Variants in PITPNC1 observed in about 807,000 individuals in gnomAD.
The protein encoded by PITPNC1 is cytoplasmic phosphatidylinositol transfer protein 1.
A neutral mutation model predicts 44.7 loss-of-function variants in PITPNC1; 18 were observed. The ratio of observed to expected loss-of-function variants is 0.40; its 90% CI spans 0.28 to 0.60. PITPNC1 has a LOEUF of 0.60. Ranked by LOEUF, PITPNC1 falls within the 20% of genes least tolerant of loss-of-function variation. The pLI, the probability that PITPNC1 is intolerant of heterozygous loss-of-function variation, is 0.39. For synonymous variants in PITPNC1, 141 were observed against 149.6 expected (o/e 0.94, Z 0.42); for missense variants, 290 against 418.4 (o/e 0.69, Z 2.68).
chr17:67,613,781 C>G (rs1470225339), intron 5 of PITPNC1: 1 of 151,148 alleles, frequency 6.6e-6, no homozygotes, highest in Non-Finnish European at 1.5e-5. Flanking sequence ...TGAGATGGTA[C>G]CACTGCACTC....
intron 8 of PITPNC1, among the ~76,000 whole-genome samples, chr17:67,682,226 C>G (rs2042722510): frequency 6.6e-6 from 1 of 152,010 alleles, no homozygotes; most frequent in Non-Finnish European, 1.5e-5. Context: ...AAAAGAAATA[C>G]AAATTGCCCA....
At chr17:67,608,501 T>TG (rs1349098524) in intron 5 of PITPNC1, among the ~76,000 whole-genome samples, 1 of 151,342 alleles carries the variant, frequency 6.6e-6, no homozygotes, top group African/African-American at 2.4e-5. Context: ...CTTTTTTTTT[T>TG]TTTTTTGAGA....
At chr17:67,642,068 C>T (rs2042098868) in intron 6 of PITPNC1, among the ~76,000 whole-genome samples, 1 of 152,018 alleles carries the variant, frequency 6.6e-6, no homozygotes, top group African/African-American at 2.4e-5. Context: ...CTGACTCACA[C>T]TTGGATGGGA....
At chr17:67,499,173 C>T (rs565415166) in intron 1 of PITPNC1, among the ~76,000 whole-genome samples, 6 of 152,010 alleles carry the variant, frequency 3.9e-5, no homozygotes, top group South Asian at 4.2e-4. Context: ...GTGCCCAGCC[C>T]GTATATCTTC....
intron 1 of PITPNC1, among the ~76,000 whole-genome samples, chr17:67,413,401 T>TTTTCTTTTTCTTTCTTTCTTTCTTTC (rs1555648639): frequency 2.1e-5 from 3 of 145,400 alleles, no homozygotes; most frequent in African/African-American, 5.2e-5. Flanking sequence ...ATGTGCTTAA[T>TTTTCTTTTTCTTTCTTTCTTTCTTTC]TTTCTTTCTT....
intron 6 of PITPNC1, among the ~76,000 whole-genome samples, chr17:67,651,115 G>GT (rs200858316): frequency 1.5e-4 from 22 of 151,376 alleles, no homozygotes; most frequent in South Asian, 4.2e-4. Flanking sequence ...GTTTTGGTTT[G>GT]TTTTTTTTTA....
At chr17:67,488,347 C>G (rs758130165) in intron 1 of PITPNC1, among the ~76,000 whole-genome samples, 38 of 152,174 alleles carry the variant, frequency 2.5e-4, no homozygotes, top group Non-Finnish European at 4.0e-4. Flanking sequence ...ATAATGTGAA[C>G]CCAGAGGCCT....
chr17:67,425,183 T>G (rs1410693549), intron 1 of PITPNC1, among the ~76,000 whole-genome samples: 4 of 116,200 alleles, frequency 3.4e-5, no homozygotes, highest in Non-Finnish European at 7.1e-5. Context: ...AACAGCCATG[T>G]TGTGCGCGCG....
intron 7 of PITPNC1, 67 bp from the exon 8 acceptor site, chr17:67,675,409 TAAC>T: frequency 9.3e-7 from 1 of 1,077,862 alleles, no homozygotes; most frequent in Non-Finnish European, 1.4e-6. Context: ...CCAGAATTGT[TAAC>T]AACTTGTCTT....
At chr17:67,422,357 A>C (rs773410061) in intron 1 of PITPNC1, among the ~76,000 whole-genome samples, 24 of 152,134 alleles carry the variant, frequency 1.6e-4, no homozygotes, top group Non-Finnish European at 3.5e-4. Flanking sequence ...GGCCGTGGAC[A>C]AGTCATTTCA....
intron 4 of PITPNC1, among the ~76,000 whole-genome samples, chr17:67,573,560 T>A (rs2041092473): frequency 1.9e-5 from 1 of 53,506 alleles, no homozygotes; most frequent in Non-Finnish European, 5.0e-5. Flanking sequence ...AATACTCTTT[T>A]TTTTTTTTTT....
At chr17:67,411,507 C>T (rs1364058648) in intron 1 of PITPNC1, among the ~76,000 whole-genome samples, 7 of 151,906 alleles carry the variant, frequency 4.6e-5, no homozygotes, top group African/African-American at 1.7e-4. Flanking sequence ...GGAGCTGGGG[C>T]CCAGGGACAG....
intron 1 of PITPNC1, among the ~76,000 whole-genome samples, chr17:67,418,645 C>T (rs1448773820): frequency 6.6e-6 from 1 of 152,034 alleles, no homozygotes; most frequent in African/African-American, 2.4e-5. Flanking sequence ...ACTGCAACCT[C>T]CACCTCCTGG....
chr17:67,495,462 C>T (rs1209959097), intron 1 of PITPNC1, among the ~76,000 whole-genome samples: 1 of 151,990 alleles, frequency 6.6e-6, no homozygotes. Flanking sequence ...GTTTGTTGTA[C>T]AGATTATTTC....
At chr17:67,379,014 C>T (rs1037879183) in intron 1 of PITPNC1, 19 of 985,382 alleles carry the variant, frequency 1.9e-5, no homozygotes, top group Non-Finnish European at 2.3e-5. Flanking sequence ...TGCGAAGCCG[C>T]GAGCTCCAGT....
intron 2 of PITPNC1, among the ~76,000 whole-genome samples, chr17:67,534,055 T>C (rs2144130899): frequency 6.6e-6 from 1 of 152,086 alleles, no homozygotes; most frequent in Middle Eastern, 3.4e-3. Context: ...CCACCACTCC[T>C]GGCTAATTTT....
At chr17:67,659,920 C>A (rs1332901201) in intron 6 of PITPNC1, among the ~76,000 whole-genome samples, 1 of 152,068 alleles carries the variant, frequency 6.6e-6, no homozygotes, top group Non-Finnish European at 1.5e-5. Flanking sequence ...TGCTCTGTCA[C>A]CCAGGATGCA....
chr17:67,629,374 G>C lies in PITPNC1; in HGVS notation c.367-2769G>C, dbSNP rs376001522. Among the ~76,000 whole-genome samples the C allele has an allele frequency of 3.0e-4, 45 of 152,278 alleles. 1 individual carries two copies. The South Asian group carries it at 8.5e-3, about 29-fold the overall frequency. On this transcript the variant is annotated intron_variant, in intron 5 of 8. Coordinates refer to ENST00000581322, the MANE Select transcript of PITPNC1 (RefSeq NM_012417.4). The stretch of plus-strand genomic sequence containing the variant: ...TGCAATGTCCACCTCCCAGGTTCAA[G>C]TGATTCTCCTGCCTCAGGCTCCCAA...
intron 1 of PITPNC1, among the ~76,000 whole-genome samples, chr17:67,530,610 A>G (rs1161949187): frequency 6.6e-6 from 1 of 152,172 alleles, no homozygotes; most frequent in Non-Finnish European, 1.5e-5. Flanking sequence ...CACAGTATGT[A>G]TTTTGCGGGG....
Sources: allele counts gnomAD v4.1 joint callset (sites outside exome capture counted in the v4.1 genomes callset), GRCh38; gene constraint gnomAD v4.1.1; transcripts MANE v1.5; gene names NCBI Gene and HGNC (gene_info 2026-07-23, HGNC 2026-07-21).